The following NOTCH4 variants were observed in gnomAD, a reference collection of about 807,000 sequenced individuals.
The protein encoded by NOTCH4 is notch receptor 4.
NOTCH4 carries 138 observed loss-of-function variants against 189.0 expected under a neutral mutation model. That is an observed-to-expected ratio of 0.73 (90% confidence interval 0.64 to 0.84). NOTCH4 has a LOEUF of 0.84. Ranked by LOEUF, NOTCH4 falls within the 40% of genes least tolerant of loss-of-function variation. The probability of loss-of-function intolerance (pLI) is 0.00; values close to 1 mark genes in which losing one functional copy is unlikely to be tolerated. For synonymous variants in NOTCH4, 942 were observed against 1,032.8 expected (o/e 0.91, Z 1.69); for missense variants, 2,286 against 2,605.4 (o/e 0.88, Z 2.67).
At position 32,197,437 on chromosome 6, in the gene NOTCH4, CA is replaced by C. The variant is rs762354145; in HGVS notation, c.4913del (p.Leu1638ArgfsTer68). 9.0e-6 allele frequency: 14 copies of C among 1,558,134 alleles called. No individual in the cohort carries two copies. In the African/African-American group the frequency reaches 1.9e-4, roughly 21 times the overall value. On this transcript the variant is annotated frameshift_variant, in exon 27 of 30. Transcript: ENST00000375023. LOFTEE classifies it high-confidence loss of function. ...AHTVGTGETP[L>X]HLAARFSRPT... ...GCCGGGAGAATCGGGCAGCCAGGTG[CA>C]GGGGGGTCTCCCCAGTGCCCACGGT... is the stretch of plus-strand genomic sequence containing the variant.
At position 32,196,978 on chromosome 6, in the gene NOTCH4, A is replaced by C. The variant is rs770610282; in HGVS notation, c.5147T>G (p.Leu1716Arg). The change falls in exon 28 of 30, where the codon CTG (leucine) becomes CGG (arginine). Residue 1716 changes from leucine (L) to arginine (R), a missense_variant. By Grantham distance (102) the Leu-to-Arg change is moderately radical. Transcript: ENST00000375023. ...TTGGGCTGCAATCAGTTCTTCAACC[A>C]GGTCTTCCACCGCCAGCCTGGCAGC... ...MLAARLAVEDLVEELIAAQAD... is the reference protein window; with the variant it reads ...MLAARLAVEDRVEELIAAQAD... 6.2e-7 allele frequency: 1 copy of C among 1,612,944 alleles called. No homozygotes were observed.
intron 19 of NOTCH4, 64 bp downstream of exon 19, chr6:32,204,073 G>T: frequency 6.3e-7 from 1 of 1,586,920 alleles, no homozygotes; most frequent in East Asian, 2.2e-5. Context: ...GAGACTATCT[G>T]GCTCTCCATG....
chr6:32,215,068 T>TG (rs1354657246), intron 12 of NOTCH4, among the ~76,000 whole-genome samples, 158 bp downstream of exon 12: 1 of 152,340 alleles, frequency 6.6e-6, no homozygotes, highest in African/African-American at 2.4e-5. Context: ...ACTTACCAGT[T>TG]GAGCCCTCCC....
intron 28 of NOTCH4, 50 bp from the exon 29 acceptor site, chr6:32,196,471 G>A: frequency 1.3e-6 from 2 of 1,599,172 alleles, no homozygotes; most frequent in Non-Finnish European, 1.7e-6. Flanking sequence ...CCAGACGCCT[G>A]GGTTCCGGTT....
chr6:32,203,909 C>G, intron 19 of NOTCH4, 27 bp from the exon 20 acceptor site: 1 of 1,528,882 alleles, frequency 6.5e-7, no homozygotes. Flanking sequence ...GATTAGATGT[C>G]ACACACTGCA....
At chr6:32,223,313 C>G (rs1342156855) in intron 1 of NOTCH4, among the ~76,000 whole-genome samples, 1 of 152,118 alleles carries the variant, frequency 6.6e-6, no homozygotes, top group Admixed American at 6.5e-5. Context: ...CTCTGGCCTC[C>G]CAAGTCCAGC....
Position 32,203,755 on chromosome 6 carries a change from T to A in NOTCH4, c.3231+15A>T. On this transcript the variant is annotated intron_variant, in intron 20 of 29. Transcript: ENST00000375023. The stretch of plus-strand genomic sequence containing the variant: ...CATAGGGGGCAACAGAGAAGGCAGA[T>A]TTGTGGTCACTTGCCTTGGGGCAGT... 1 of 1,544,146 alleles carries A rather than the reference T, an allele frequency of 6.5e-7. No homozygotes were observed. Among genetic ancestry groups the A allele is most frequent in the Middle Eastern group, 1.7e-4 (1 of 5,926 alleles).
At position 32,210,913 on chromosome 6, in the gene NOTCH4, G is replaced by A; in HGVS notation, c.2704C>T (p.His902Tyr). 1 of 1,603,504 alleles carries A rather than the reference G, an allele frequency of 6.2e-7. No homozygotes were observed. The highest frequency in any genetic ancestry group is 1.1e-5 in the South Asian group (1 of 89,972). ...CTGTCGACACAGAGGCCTCCATTGT[G>A]GCAAAGGGAAGAGACGTCTATGCCT... ...SQGIDVSSLCHNGGLCVDSGP... is the reference protein window; with the variant it reads ...SQGIDVSSLCYNGGLCVDSGP... Residue 902 changes from histidine to tyrosine, a missense_variant, in exon 18 of 30, where the codon CAC becomes TAC. Around this residue, in one of 2 missense-constraint regions of NOTCH4, gnomAD observed 1,903 missense variants for 2,261.9 expected, o/e 0.84. Transcript: ENST00000375023. The surrounding 1 kb of genome is among the most constrained non-coding windows in gnomAD (Gnocchi z 4.8).
intron 19 of NOTCH4, 53 bp downstream of exon 19, chr6:32,204,084 G>A: frequency 6.3e-7 from 1 of 1,598,390 alleles, no homozygotes; most frequent in South Asian, 1.1e-5. Context: ...GCTCTCCATG[G>A]TCTGCTTGGC....
intron 18 of NOTCH4, among the ~76,000 whole-genome samples, chr6:32,206,681 G>A (rs1194955067): frequency 6.6e-6 from 1 of 151,916 alleles, no homozygotes; most frequent in South Asian, 2.1e-4. Flanking sequence ...ATTCTTTACA[G>A]AAATAGAAAA....
At position 32,220,421 on chromosome 6, in the gene NOTCH4, G is replaced by A. The variant is rs1789680192; in HGVS notation, c.1143C>T (p.Cys381=). ...CCCCCATACCTGTGCGTCCAGGTGG[G>A]CAGAGGCAGGAGAAAGAGCCCACCC... is the stretch of plus-strand genomic sequence containing the variant. ...IDRVGSFSCL[C]PPGRTGLLCH... Residue 381 remains cysteine, a synonymous_variant, in exon 6 of 30, where the codon TGC becomes TGT. Coordinates refer to ENST00000375023, the MANE Select transcript of NOTCH4 (RefSeq NM_004557.4). The A allele has an allele frequency of 1.9e-6, 3 of 1,614,104 alleles. No individual in the cohort carries two copies. Among genetic ancestry groups the A allele is most frequent in the Non-Finnish European group, 1.7e-6 (2 of 1,180,008 alleles).
Position 32,202,747 on chromosome 6 carries a change from G to C in NOTCH4, c.3232-148C>G. The C allele has an allele frequency of 1.5e-6, 1 of 667,734 alleles. No homozygotes were observed. The highest frequency in any genetic ancestry group is 2.4e-6 in the Non-Finnish European group (1 of 410,324). The allele number at this position is 667,734 out of a possible 1,614,324, so 41.4% of individuals were successfully genotyped here. A position where few individuals can be genotyped will look rare whatever the true frequency, so the allele number is the denominator to read the frequency against. The stretch of plus-strand genomic sequence containing the variant: ...CAGAGAGCATCAAGTTAATCATTTT[G>C]TGGATGTTGAAACCATGTCCTGTGG... On this transcript the variant is annotated intron_variant, in intron 20 of 29. Transcript: ENST00000375023. This position sits in a 1 kb window ranked among gnomAD's most constrained non-coding sequence, Gnocchi z 5.7.
intron 18 of NOTCH4, among the ~76,000 whole-genome samples, chr6:32,204,617 A>G (rs777501221): frequency 4.6e-5 from 7 of 152,172 alleles, no homozygotes; most frequent in Non-Finnish European, 1.0e-4. Context: ...AACAATCTCT[A>G]TGACACACTG....
rs768786007 is a variant in NOTCH4 at position 32,197,557 on chromosome 6, C to G, written c.4794G>C (p.Gly1598=). ...CTTGGAAGGTCCCGGACTGTACTTC[C>G]CCACAGCAAACTGCTGACATCAGGG... ...VTPLMSAVCC[G]EVQSGTFQGA... is the part of the protein sequence containing the mutation. The change falls in exon 27 of 30, where the codon GGG becomes GGC. Residue 1598 remains glycine, a synonymous_variant. Coordinates refer to ENST00000375023, the MANE Select transcript of NOTCH4 (RefSeq NM_004557.4). 1 of 1,612,700 alleles carries G rather than the reference C, an allele frequency of 6.2e-7. No individual in the cohort carries two copies. The highest frequency in any genetic ancestry group is 8.5e-7 in the Non-Finnish European group (1 of 1,179,436).
In NOTCH4 at chr6:32,200,215, C is replaced by CTT. The variant is rs9281670; in HGVS notation, c.4315+614_4315+615dup. On this transcript the variant is annotated intron_variant, in intron 23 of 29. Transcript: ENST00000375023. The surrounding 1 kb of genome is among the most constrained non-coding windows in gnomAD (Gnocchi z 5.0). The stretch of plus-strand genomic sequence containing the variant: ...AAAGTACGATATAGCAGTTATTTTT[C>CTT]TTTTTTTTTTTTTGAGATGGAGTCT... 6.0e-4 allele frequency among the ~76,000 whole-genome samples: 86 copies of CTT among 144,416 alleles called. No homozygotes were observed. Among genetic ancestry groups the CTT allele is most frequent in the Middle Eastern group, 3.5e-3 (1 of 282 alleles). 94.7% of individuals were successfully genotyped at this position (144,416 alleles called of 152,430 possible).
In NOTCH4 at chr6:32,195,699, G is replaced by A. The variant is rs146281071; in HGVS notation, c.5750C>T (p.Ser1917Phe). Residue 1917 changes from serine to phenylalanine, a missense_variant, in exon 30 of 30, where the codon TCT (serine) becomes TTT (phenylalanine). Physicochemically the swap from Ser to Phe is radical, Grantham distance 155 (BLOSUM62 -2). Coordinates refer to ENST00000375023, the MANE Select transcript of NOTCH4 (RefSeq NM_004557.4). This position sits in a 1 kb window ranked among gnomAD's most constrained non-coding sequence, Gnocchi z 5.4. ...GGGCCGAGGCCCGCGCATGCCTGCA[G>A]AAAACCTACGGCCGCGAGGGGTCGG... ...GGPTPRGRRFSAGMRGPRPNP... is the reference protein window; with the variant it reads ...GGPTPRGRRFFAGMRGPRPNP... 31 of 1,612,876 alleles carry A rather than the reference G, an allele frequency of 1.9e-5. No homozygotes were observed. Among genetic ancestry groups the A allele is most frequent in the African/African-American group, 4.0e-5 (3 of 74,940 alleles).
rs747157115 is a variant in NOTCH4, at chr6:32,213,239, A to T, written c.2334T>A (p.Asn778Lys). The change falls in exon 15 of 30, where the codon AAT becomes AAA. Residue 778 changes from asparagine to lysine, a missense_variant. Transcript: ENST00000375023. ...CAGGCCTGTTCACACAGGTACCCCCATTGAAGCACGGGGCTGGAGAGAGGA... is the reference window on the plus strand; with the variant it reads ...CAGGCCTGTTCACACAGGTACCCCCTTTGAAGCACGGGGCTGGAGAGAGGA... ...TDYCVSAPCF[N>K]GGTCVNRPGT... 6.2e-7 allele frequency: 1 copy of T among 1,612,942 alleles called. No individual in the cohort carries two copies. Among genetic ancestry groups the T allele is most frequent in the Non-Finnish European group, 8.5e-7 (1 of 1,179,072 alleles).
intron 15 of NOTCH4, 84 bp downstream of exon 15, chr6:32,213,051 G>A: frequency 7.8e-7 from 1 of 1,286,694 alleles, no homozygotes; most frequent in Non-Finnish European, 1.1e-6. Flanking sequence ...GTGGGAGGCA[G>A]CCTGGAACCC....
chr6:32,211,601 A>G (rs1429517480), intron 17 of NOTCH4, among the ~76,000 whole-genome samples: 1 of 101,482 alleles, frequency 9.9e-6, no homozygotes, highest in Non-Finnish European at 2.3e-5. Flanking sequence ...TCAAAAATAA[A>G]TAAATAAATA....
Sources: gnomAD v4.1 joint callset for allele counts (sites outside exome capture counted in the v4.1 genomes callset) on GRCh38, gnomAD v4.1.1 for gene constraint, gnomAD v4.1.1 regional missense constraint, Gnocchi (gnomAD v3.1) non-coding constraint, MANE v1.5 for transcripts, NCBI Gene and HGNC (gene_info 2026-07-23, HGNC 2026-07-21) for gene names.